COQ6: variants seen among roughly 807,000 people sequenced by gnomAD.
COQ6 encodes the protein coenzyme Q6, monooxygenase.
In COQ6, 45 loss-of-function variants were observed where a neutral mutation model predicts 55.5. The observed-to-expected ratio is 0.81, with a 90% CI of 0.64 to 1.04. COQ6 has a LOEUF of 1.04. Among genes scored for constraint, COQ6 ranks in the 50% least tolerant of loss-of-function variants. The pLI, the probability that COQ6 is intolerant of heterozygous loss-of-function variation, is 0.00. For missense variants in COQ6, 550 were observed against 601.3 expected (o/e 0.91, Z 0.89); for synonymous variants, 206 against 230.5 (o/e 0.89, Z 0.96).
chr14:73,954,989 T>C (rs1186102734), intron 2 of COQ6, among the ~76,000 whole-genome samples: 1 of 146,172 alleles, frequency 6.8e-6, no homozygotes, highest in Non-Finnish European at 1.5e-5. Flanking sequence ...TCTCGCTCTG[T>C]TGCCCAGGCT....
intron 4 of COQ6, 115 bp from the exon 5 acceptor site, chr14:73,958,032 T>G: frequency 1.2e-6 from 1 of 853,990 alleles, no homozygotes; most frequent in Non-Finnish European, 2.0e-6. Context: ...TTTTTTAATC[T>G]TAAATGACAA....
intron 8 of COQ6, 158 bp downstream of exon 8, chr14:73,959,680 C>T (rs569945860): frequency 7.3e-7 from 1 of 1,366,978 alleles, no homozygotes; most frequent in East Asian, 2.5e-5. Context: ...AGCGATTCTC[C>T]TGCCTCAGCC....
At chr14:73,962,506 C>T (rs557026247) in intron 11 of COQ6, among the ~76,000 whole-genome samples, 1 of 151,726 alleles carries the variant, frequency 6.6e-6, no homozygotes, top group South Asian at 2.1e-4. Context: ...CTGCAGTGGG[C>T]TATGATCACA....
At chr14:73,953,810 CT>C in intron 2 of COQ6, 4 of 586,584 alleles carry the variant, frequency 6.8e-6, no homozygotes, top group Non-Finnish European at 9.1e-6. Flanking sequence ...ATCATGTTGA[CT>C]TCACTTGTGA....
intron 3 of COQ6, 126 bp from the exon 4 acceptor site, chr14:73,955,679 T>C: frequency 6.7e-7 from 1 of 1,494,914 alleles, no homozygotes. Flanking sequence ...TCATTTTATA[T>C]TTTCCTACCA....
In COQ6 at chr14:73,959,026, T is replaced by C. The variant is rs775023177; in HGVS notation, c.668T>C (p.Val223Ala). The C allele has an allele frequency of 6.2e-7, 1 of 1,614,208 alleles. No homozygotes were observed. Among genetic ancestry groups the C allele is most frequent in the South Asian group, 1.1e-5 (1 of 91,084 alleles). ...GVRQAVGIQN[V>A]SWNYDQSAVV... ...CGGCAGGCTGTTGGAATCCAGAATG[T>C]GAGCTGGAACTATGACCAGTCTGCT... Residue 223 changes from valine (V) to alanine (A), a missense_variant, in exon 6 of 12, where the codon GTG (valine) becomes GCG (alanine). Transcript: ENST00000334571.
rs1054912272 is a variant in COQ6, at chr14:73,963,227, C to A, written c.*228C>A. ...GGAAAAAACTTCGAAGGAAGACTTA[C>A]AATTTGGTTGAAAAGAGCTTTTTAT... On this transcript the variant is annotated 3_prime_UTR_variant, in exon 12 of 12. Transcript: ENST00000334571. 2.6e-5 allele frequency: 15 copies of A among 580,402 alleles called. No homozygotes were observed. Among genetic ancestry groups the A allele is most frequent in the African/African-American group, 7.5e-5 (4 of 53,476 alleles). 36.0% of individuals were successfully genotyped at this position (580,402 alleles called of 1,614,324 possible). A position where few individuals can be genotyped will look rare whatever the true frequency, so the allele number is the denominator to read the frequency against.
intron 2 of COQ6, among the ~76,000 whole-genome samples, chr14:73,954,158 A>G (rs1473222462): frequency 6.6e-6 from 1 of 152,076 alleles, no homozygotes; most frequent in East Asian, 1.9e-4. Flanking sequence ...TTTGTTTTTT[A>G]TTGTCCATCT....
chr14:73,959,124 G>C (rs369688769), intron 6 of COQ6, 38 bp from the exon 7 acceptor site: 6 of 1,614,050 alleles, frequency 3.7e-6, no homozygotes, highest in Non-Finnish European at 3.4e-6. Context: ...ATAGGCACTA[G>C]GTACTTCACA....
intron 4 of COQ6, 185 bp from the exon 5 acceptor site, chr14:73,957,962 T>C (rs973752436): frequency 5.0e-6 from 3 of 599,418 alleles, no homozygotes; most frequent in East Asian, 3.1e-5. Flanking sequence ...TTTTTTGACA[T>C]TGAGTTATCT....
intron 2 of COQ6, among the ~76,000 whole-genome samples, chr14:73,954,701 G>A (rs541193317): frequency 5.3e-5 from 8 of 151,530 alleles, no homozygotes; most frequent in South Asian, 2.1e-4. Context: ...AAAATGAGCC[G>A]GGCATGGCGG....
rs774312474 is a variant in COQ6, at chr14:73,961,836, G to C, written c.1310G>C (p.Ser437Thr). 3 of 1,614,054 alleles carry C rather than the reference G, an allele frequency of 1.9e-6. No individual in the cohort carries two copies. The African/African-American group carries it at 4.0e-5, about 22-fold the overall frequency. The change falls in exon 11 of 12, where the codon AGT becomes ACT. Residue 437 changes from serine (S) to threonine (T), a missense_variant. Coordinates refer to ENST00000334571, the MANE Select transcript of COQ6 (RefSeq NM_182476.3). ...TDLLKRLYST[S>T]ASPLVLLRTW... Reference sequence around the variant, plus strand: ...TTACTAAAAAGGCTCTATTCTACCAGTGCCTCCCCGCTTGTGTTGCTCAGG... The same window carrying C: ...TTACTAAAAAGGCTCTATTCTACCACTGCCTCCCCGCTTGTGTTGCTCAGG...
chr14:73,956,132 G>A (rs529549834), intron 4 of COQ6: 13 of 550,800 alleles, frequency 2.4e-5, no homozygotes, highest in East Asian at 3.7e-5. Flanking sequence ...AGACCATCCT[G>A]GCTAACATGG....
chr14:73,959,493 A>G lies in COQ6; in HGVS notation c.862A>G (p.Lys288Glu), dbSNP rs778368295. 5 of 1,614,134 alleles carry G rather than the reference A, an allele frequency of 3.1e-6. No individual in the cohort carries two copies. Among genetic ancestry groups the G allele is most frequent in the Non-Finnish European group, 4.2e-6 (5 of 1,180,034 alleles). The stretch of plus-strand genomic sequence containing the variant: ...AGAGCTAGTTAGCATGGATGAGGAA[A>G]AATTTGTGGATGCCGTTAACTCTGC... ...AAELVSMDEEKFVDAVNSAFW... is the reference protein window; with the variant it reads ...AAELVSMDEEEFVDAVNSAFW... Residue 288 changes from lysine (K) to glutamate (E), a missense_variant, in exon 8 of 12, where the codon AAA becomes GAA. Physicochemically the swap from Lys to Glu is moderately conservative, Grantham distance 56. Coordinates refer to ENST00000334571, the MANE Select transcript of COQ6 (RefSeq NM_182476.3).
intron 4 of COQ6, among the ~76,000 whole-genome samples, chr14:73,957,298 C>T (rs558035209): frequency 1.9e-3 from 286 of 151,940 alleles, no homozygotes; most frequent in Non-Finnish European, 3.8e-3. Flanking sequence ...GGGGTTTCAC[C>T]GTGGTCTCAA....
intron 8 of COQ6, 134 bp downstream of exon 8, chr14:73,959,656 G>A (rs555385774): frequency 1.6e-4 from 247 of 1,497,292 alleles, no homozygotes; most frequent in East Asian, 6.8e-4. Context: ...TGCAATCTCC[G>A]CCTCCCGGGT....
In COQ6 at chr14:73,955,511, TG is replaced by T; in HGVS notation, c.357+3del. 1 of 1,613,798 alleles carries T rather than the reference TG, an allele frequency of 6.2e-7. No homozygotes were observed. The highest frequency in any genetic ancestry group is 1.1e-5 in the South Asian group (1 of 91,078). On this transcript the variant is annotated splice_donor_region_variant and intron_variant, in intron 3 of 11. Coordinates refer to ENST00000334571, the MANE Select transcript of COQ6 (RefSeq NM_182476.3). ...TACAGAGCCTTTCGGCGAATGCAGG[TG>T]CCCCTTTATCTTTTCAATTTTGTCA...
rs745746077 is a variant in COQ6 at position 73,953,419 on chromosome 14, AT to A, written c.164-12del. The A allele has an allele frequency of 6.7e-7, 1 of 1,502,818 alleles. No individual in the cohort carries two copies. Among genetic ancestry groups the A allele is most frequent in the African/African-American group, 1.4e-5 (1 of 70,954 alleles). The allele number at this position is 1,502,818 out of a possible 1,614,324, so 93.1% of individuals were successfully genotyped here. ...TCTTGATTTTCCTAAGATGATATAA[AT>A]TTTCTTTTTTTAAGGATATGATATT... On this transcript the variant is annotated splice_polypyrimidine_tract_variant and intron_variant, in intron 1 of 11. Transcript: ENST00000334571.
chr14:73,950,176 G>A (rs761791465), upstream of COQ6: 2 of 1,572,004 alleles, frequency 1.3e-6, no homozygotes, highest in Non-Finnish European at 1.7e-6. Context: ...GCCCGAGGAG[G>A]CAAGGTTCGT....
Sources: gnomAD v4.1 joint callset for allele counts (sites outside exome capture counted in the v4.1 genomes callset) on GRCh38, gnomAD v4.1.1 for gene constraint, MANE v1.5 for transcripts, NCBI Gene and HGNC (gene_info 2026-07-23, HGNC 2026-07-21) for gene names.